Variants in SIRT4 observed in about 807,000 individuals in gnomAD.
The protein encoded by SIRT4 is NAD-dependent protein lipoamidase sirtuin-4, mitochondrial.
Under a neutral mutation model 26.1 loss-of-function variants are expected in SIRT4, and 23 were observed. The ratio of observed to expected loss-of-function variants is 0.88; its 90% confidence interval spans 0.63 to 1.25. The LOEUF (loss-of-function observed/expected upper bound fraction) is 1.25, where lower values mean the gene tolerates loss of function less well. Among genes scored for constraint, SIRT4 ranks in the 50% most tolerant of loss-of-function variants. The pLI is 0.00. For synonymous variants in SIRT4, 155 were observed against 158.4 expected (o/e 0.98, Z 0.16); for missense variants, 361 against 405.4 (o/e 0.89, Z 0.94).
the SIRT4 span, among the ~76,000 whole-genome samples, chr12:120,296,589 C>G: frequency 4.0e-5 from 6 of 148,946 alleles, no homozygotes; most frequent in Admixed American, 1.3e-4. Flanking sequence ...CTCAGTGCAG[C>G]CTAAATCTCC....
intron 2 of SIRT4, among the ~76,000 whole-genome samples, chr12:120,304,830 TATATA>T (rs1235574376): frequency 2.2e-3 from 14 of 6,308 alleles, no homozygotes; most frequent in Non-Finnish European, 3.3e-3. Flanking sequence ...TATATATATA[TATATA>T]TTTTTTTTTT....
In SIRT4 at chr12:120,312,448, G is replaced by T. The variant is rs971011552; in HGVS notation, c.498-8G>T. The T allele has an allele frequency of 1.9e-6, 3 of 1,598,018 alleles. No individual in the cohort carries two copies. The highest frequency in any genetic ancestry group is 8.5e-7 in the Non-Finnish European group (1 of 1,172,228). On this transcript the variant is annotated splice_polypyrimidine_tract_variant and splice_region_variant and intron_variant, in intron 2 of 3. Transcript: ENST00000202967. ...ATACTGTTCAGTCAGCGTCTTCCTT[G>T]GTTCCAGGGTCCTGTGCTTGGATTG...
rs1302263369 is a variant in SIRT4, at chr12:120,304,817, ATATATATATATATATATATTTTTTTT to A, written c.497+761_497+786del. ...TAAAGTAAATTTTATATATATATAT[ATATATATATATATATATATTTTTTTT>A]TTTTTTTTTTTTTTTTAAAGAAAGT... is the stretch of plus-strand genomic sequence containing the variant. On this transcript the variant is annotated intron_variant, in intron 2 of 3. Transcript: ENST00000202967. Among the ~76,000 whole-genome samples the A allele has an allele frequency of 9.8e-3, 66 of 6,734 alleles. 2 individuals are homozygous for A. In the South Asian group the frequency reaches 0.22, roughly 22 times the overall value. The allele number at this position is 6,734 out of a possible 152,430, so 4.4% of individuals were successfully genotyped here.
chr12:120,301,157 T>G (rs865830994), upstream of SIRT4, among the ~76,000 whole-genome samples: 6 of 152,066 alleles, frequency 3.9e-5, no homozygotes, highest in Non-Finnish European at 5.9e-5. Context: ...CCATCCTGGC[T>G]AACATGGTGA....
At chr12:120,298,532 T>A (rs925369706), upstream of SIRT4, among the ~76,000 whole-genome samples, 2 of 151,816 alleles carry the variant, frequency 1.3e-5, no homozygotes, top group Non-Finnish European at 2.9e-5. Flanking sequence ...GTTGAGGCTG[T>A]AGTGCGCAGT....
intron 2 of SIRT4, among the ~76,000 whole-genome samples, chr12:120,305,750 C>G (rs911111959): frequency 6.6e-6 from 1 of 152,206 alleles, no homozygotes; most frequent in South Asian, 2.1e-4. Flanking sequence ...CGGCGGCTCA[C>G]GCCTGTAATC....
At chr12:120,293,058 C>G in the SIRT4 span, 3 of 138,172 alleles carry the variant, frequency 2.2e-5, no homozygotes, top group South Asian at 2.7e-4. Flanking sequence ...CCCACACACA[C>G]AAAAAAAGCC....
chr12:120,309,573 G>A (rs1388290831), intron 2 of SIRT4, among the ~76,000 whole-genome samples: 11 of 151,518 alleles, frequency 7.3e-5, no homozygotes, highest in African/African-American at 1.9e-4. Flanking sequence ...CACCATGCCC[G>A]GCTAATTTTT....
At chr12:120,301,375 AAC>A (rs1872540625), upstream of SIRT4, among the ~76,000 whole-genome samples, 1 of 152,134 alleles carries the variant, frequency 6.6e-6, no homozygotes, top group African/African-American at 2.4e-5. Flanking sequence ...CAACAACAAC[AAC>A]AACAAACTAT....
chr12:120,304,108 AGAGTAGG>A, intron 2 of SIRT4, 50 bp downstream of exon 2: 2 of 1,580,856 alleles, frequency 1.3e-6, no homozygotes, highest in Non-Finnish European at 1.7e-6. Context: ...TTGTTTTGGG[AGAGTAGG>A]GACCTTGGCT....
the SIRT4 span, chr12:120,291,905 G>T: frequency 6.6e-6 from 1 of 151,606 alleles, no homozygotes; most frequent in Non-Finnish European, 1.5e-5. Flanking sequence ...CGCAAAGCTG[G>T]AAAGGTTCTG....
intron 2 of SIRT4, among the ~76,000 whole-genome samples, chr12:120,311,631 A>G (rs1456128619): frequency 6.8e-6 from 1 of 146,290 alleles, no homozygotes; most frequent in Admixed American, 7.1e-5. Flanking sequence ...GCTACTCAGG[A>G]GGCTGAGGCA....
At chr12:120,310,861 G>A (rs1200227133) in intron 2 of SIRT4, among the ~76,000 whole-genome samples, 11 of 150,582 alleles carry the variant, frequency 7.3e-5, no homozygotes, top group Non-Finnish European at 1.3e-4. Flanking sequence ...TCAGCCTCCC[G>A]AGTAGCTGGG....
chr12:120,310,102 G>T lies in SIRT4; in HGVS notation c.498-2354G>T, dbSNP rs957485460. Among the ~76,000 whole-genome samples the T allele has an allele frequency of 3.8e-4, 57 of 151,910 alleles. 1 individual carries two copies. Among genetic ancestry groups the T allele is most frequent in the African/African-American group, 1.3e-3 (55 of 41,338 alleles). ...TGCCATCATAACTCCCTGTAACCTA[G>T]AACTCCTGGGTAATTAGAACTCCAG... On this transcript the variant is annotated intron_variant, in intron 2 of 3. Transcript: ENST00000202967.
At chr12:120,306,173 AT>A (rs1374376251) in intron 2 of SIRT4, among the ~76,000 whole-genome samples, 3 of 150,022 alleles carry the variant, frequency 2.0e-5, no homozygotes, top group Non-Finnish European at 4.4e-5. Context: ...TCTACAAAAA[AT>A]TTTTTTAAGA....
Position 120,303,848 on chromosome 12 carries a change from TCCGGAGTGCC to T in SIRT4, c.290_299del (p.Arg97GlnfsTer12). The T allele has an allele frequency of 1.2e-6, 2 of 1,614,168 alleles. No homozygotes were observed. The highest frequency in any genetic ancestry group is 2.2e-5 in the South Asian group (2 of 91,074). On this transcript the variant is annotated frameshift_variant, in exon 2 of 4. Transcript: ENST00000202967. LOFTEE classifies it high-confidence loss of function. ...AGGCCCATCCAGCATGGTGATTTTG[TCCGGAGTGCC>T]CCAATCCGCCAGCGGTACTGGGCGA...
chr12:120,300,504 C>T (rs147180908), upstream of SIRT4, among the ~76,000 whole-genome samples: 255 of 152,178 alleles, frequency 1.7e-3, 1 homozygote, highest in African/African-American at 5.7e-3. Context: ...GAAGTGCAGT[C>T]GCACAATTAT....
the SIRT4 span, chr12:120,291,859 C>T: frequency 2.0e-5 from 3 of 152,136 alleles, no homozygotes; most frequent in Admixed American, 1.3e-4. Context: ...ATAATCGCGC[C>T]TCGGATAAAC....
intron 2 of SIRT4, among the ~76,000 whole-genome samples, chr12:120,306,313 T>C (rs1237199220): frequency 6.6e-6 from 1 of 150,850 alleles, no homozygotes; most frequent in African/African-American, 2.4e-5. Context: ...CTGTCTCTAC[T>C]AAAAATACAA....
Sources: gnomAD v4.1 joint callset for allele counts (sites outside exome capture counted in the v4.1 genomes callset) on GRCh38, gnomAD v4.1.1 for gene constraint, MANE v1.5 for transcripts, NCBI Gene and HGNC (gene_info 2026-07-23, HGNC 2026-07-21) for gene names.